NCOA2: variants seen among roughly 807,000 people sequenced by gnomAD.
NCOA2 encodes nuclear receptor coactivator 2.
In NCOA2, 21 loss-of-function variants were observed where a neutral mutation model predicts 145.1. The ratio of observed to expected loss-of-function variants is 0.14; its 90% CI spans 0.10 to 0.21. NCOA2 has a LOEUF of 0.21. Ranked by LOEUF, NCOA2 falls within the 10% of genes least tolerant of loss-of-function variation. The probability of loss-of-function intolerance (pLI) is 1.00; values close to 1 mark genes in which losing one functional copy is unlikely to be tolerated. For synonymous variants in NCOA2, 619 were observed against 637.5 expected, an observed-to-expected ratio of 0.97 and a Z score of 0.44; for missense variants, 1,472 against 1,837.6, an observed-to-expected ratio of 0.80 and a Z score of 3.64.
chr8:70,414,838 C>T, the NCOA2 span, among the ~76,000 whole-genome samples: 11 of 152,062 alleles, frequency 7.2e-5, no homozygotes, highest in Non-Finnish European at 1.5e-4. Context: ...AGCCTTTTGA[C>T]ACAACTAATA....
At chr8:70,450,113 G>C in the NCOA2 span, among the ~76,000 whole-genome samples, 6 of 152,200 alleles carry the variant, frequency 3.9e-5, no homozygotes, top group South Asian at 1.2e-3. Context: ...CTTATTTTTC[G>C]TTCCTTCTCT....
chr8:70,442,026 G>A, the NCOA2 span, among the ~76,000 whole-genome samples: 8 of 139,666 alleles, frequency 5.7e-5, 1 homozygote, highest in African/African-American at 2.1e-4. Flanking sequence ...AAGAAAGAAA[G>A]AGAAAAGAAA....
intron 15 of NCOA2, among the ~76,000 whole-genome samples, chr8:70,134,600 C>T (rs971568227): frequency 1.3e-5 from 2 of 152,160 alleles, no homozygotes; most frequent in Non-Finnish European, 2.9e-5. Flanking sequence ...TCACATCTGG[C>T]GGAAACCCAC....
intron 1 of NCOA2, among the ~76,000 whole-genome samples, chr8:70,397,224 T>A (rs927120233): frequency 6.6e-6 from 1 of 152,148 alleles, no homozygotes; most frequent in African/African-American, 2.4e-5. Context: ...TCTGTGAGGC[T>A]GAGGCAGGCA....
rs1188957914 is a variant in NCOA2 at position 70,156,733 on chromosome 8, G to A, written c.1632C>T (p.His544=). 53 of 1,613,842 alleles carry A rather than the reference G, an allele frequency of 3.3e-5. No homozygotes were observed. The highest frequency in any genetic ancestry group is 1.6e-4 in the Middle Eastern group (1 of 6,084). Residue 544 remains histidine, a synonymous_variant, in exon 11 of 23, where the codon CAC becomes CAT. Transcript: ENST00000452400. The stretch of plus-strand genomic sequence containing the variant: ...CCAACGATGACCCTAATGAGACCCC[G>A]TGCCCCTCGCTGAGGGCCTGAAGTG... The part of the protein sequence containing the change: ...LNALQALSEG[H]GVSLGSSLAS...
At chr8:70,316,304 G>A (rs1805581639) in intron 1 of NCOA2, among the ~76,000 whole-genome samples, 1 of 152,156 alleles carries the variant, frequency 6.6e-6, no homozygotes, top group South Asian at 2.1e-4. Flanking sequence ...CTTGTTCAAT[G>A]AGCTGTTTTA....
At chr8:70,241,053 T>C (rs1200257395) in intron 2 of NCOA2, among the ~76,000 whole-genome samples, 1 of 152,148 alleles carries the variant, frequency 6.6e-6, no homozygotes, top group East Asian at 1.9e-4. Context: ...ATTCAAAGAC[T>C]ATGGGCTTGG....
intron 9 of NCOA2, among the ~76,000 whole-genome samples, chr8:70,160,675 GA>G (rs1812854149): frequency 6.9e-6 from 1 of 145,206 alleles, no homozygotes; most frequent in South Asian, 2.1e-4. Flanking sequence ...GAGAGAGAGA[GA>G]GAGAGGGAGA....
At chr8:70,371,987 T>C (rs1811264448) in intron 1 of NCOA2, among the ~76,000 whole-genome samples, 1 of 152,256 alleles carries the variant, frequency 6.6e-6, no homozygotes, top group African/African-American at 2.4e-5. Context: ...TGTGTATCTT[T>C]ATAATTTTTT....
In NCOA2 at chr8:70,124,108, G is replaced by C. The variant is rs762804369; in HGVS notation, c.4095-26C>G. The stretch of plus-strand genomic sequence containing the variant: ...CTGGAATACAATGGAAAGATTGAAT[G>C]AATGTTACAGCTTGCTGGTATCCAG... On this transcript the variant is annotated intron_variant, in intron 20 of 22. Coordinates refer to ENST00000452400, the MANE Select transcript of NCOA2 (RefSeq NM_006540.4). 17 of 1,601,684 alleles carry C rather than the reference G, an allele frequency of 1.1e-5. 1 individual carries two copies. The highest frequency in any genetic ancestry group is 4.5e-5 in the East Asian group (2 of 44,660).
At chr8:70,236,495 C>T (rs1821618349) in intron 2 of NCOA2, among the ~76,000 whole-genome samples, 1 of 151,998 alleles carries the variant, frequency 6.6e-6, no homozygotes. Context: ...ATGCAATAAG[C>T]CATATATCTT....
At chr8:70,362,346 C>T (rs1443360913) in intron 1 of NCOA2, among the ~76,000 whole-genome samples, 1 of 151,938 alleles carries the variant, frequency 6.6e-6, no homozygotes, top group South Asian at 2.1e-4. Context: ...CAAAACAATC[C>T]ATCAAAGAAT....
intron 1 of NCOA2, 131 bp downstream of exon 1, chr8:70,403,569 C>G (rs1313448962): frequency 3.3e-6 from 1 of 303,668 alleles, no homozygotes; most frequent in Admixed American, 5.1e-5. Flanking sequence ...AAAACAGCCT[C>G]TCGGAGGCGC....
intron 4 of NCOA2, among the ~76,000 whole-genome samples, chr8:70,189,630 G>T (rs555509696): frequency 6.6e-6 from 1 of 152,154 alleles, no homozygotes; most frequent in South Asian, 2.1e-4. Flanking sequence ...TTTTGTTTTA[G>T]AGAAGTAGTA....
At chr8:70,145,953 T>C (rs1053655054) in intron 12 of NCOA2, among the ~76,000 whole-genome samples, 5 of 152,218 alleles carry the variant, frequency 3.3e-5, no homozygotes, top group Non-Finnish European at 5.9e-5. Context: ...TTCAAATATA[T>C]AACTGTATTT....
chr8:70,311,460 A>T (rs183228063), intron 1 of NCOA2, among the ~76,000 whole-genome samples: 1 of 152,258 alleles, frequency 6.6e-6, no homozygotes, highest in Non-Finnish European at 1.5e-5. Flanking sequence ...GAAAAAAATT[A>T]TCACTGCTAA....
At chr8:70,414,035 T>C in the NCOA2 span, among the ~76,000 whole-genome samples, 2 of 152,248 alleles carry the variant, frequency 1.3e-5, no homozygotes, top group South Asian at 2.1e-4. Flanking sequence ...TCTGTGTATA[T>C]ATGATATTTA....
the NCOA2 span, among the ~76,000 whole-genome samples, chr8:70,422,396 G>T: frequency 6.7e-6 from 1 of 150,228 alleles, no homozygotes; most frequent in Non-Finnish European, 1.5e-5. Context: ...TTCTCAAAAT[G>T]CTGTGTTTTT....
intron 4 of NCOA2, among the ~76,000 whole-genome samples, chr8:70,186,080 C>T (rs1264836215): frequency 6.6e-6 from 1 of 150,736 alleles, no homozygotes; most frequent in Non-Finnish European, 1.5e-5. Context: ...CACTCTCTCA[C>T]TCTCTCTCTC....
Sources: allele counts gnomAD v4.1 joint callset (sites outside exome capture counted in the v4.1 genomes callset), GRCh38; gene constraint gnomAD v4.1.1; transcripts MANE v1.5; gene names NCBI Gene and HGNC (gene_info 2026-07-23, HGNC 2026-07-21).